VPS35L: variants seen among roughly 807,000 people sequenced by gnomAD.
VPS35L encodes VPS35 endosomal protein sorting factor like, also known as VPS35 endosomal protein-sorting factor-like.
A neutral mutation model predicts 133.0 loss-of-function variants in VPS35L; 83 were observed. That is an observed-to-expected ratio of 0.62 (90% CI 0.52 to 0.75). The LOEUF is 0.75. VPS35L is among the 30% of genes least tolerant of loss of function. The pLI, the probability that VPS35L is intolerant of heterozygous loss-of-function variation, is 0.00. For synonymous variants in VPS35L, 423 were observed against 449.9 expected (o/e 0.94, Z 0.76); for missense variants, 1,083 against 1,206.8 (o/e 0.90, Z 1.52).
At chr16:19,662,177 T>C (rs1567466119) in intron 26 of VPS35L, among the ~76,000 whole-genome samples, 1 of 152,020 alleles carries the variant, frequency 6.6e-6, no homozygotes, top group African/African-American at 2.4e-5. Flanking sequence ...CAATCCAGCC[T>C]GGGCAGCAGA....
intron 29 of VPS35L, among the ~76,000 whole-genome samples, chr16:19,693,019 G>A (rs896326518): frequency 6.6e-6 from 1 of 152,224 alleles, no homozygotes; most frequent in Non-Finnish European, 1.5e-5. Flanking sequence ...CAGAAATGCT[G>A]CAGCCCTGGG....
intron 27 of VPS35L, among the ~76,000 whole-genome samples, chr16:19,679,549 G>A (rs893959534): frequency 2.7e-5 from 4 of 149,294 alleles, no homozygotes; most frequent in South Asian, 2.1e-4. Flanking sequence ...ACTGTCACCC[G>A]GGCTGCAGTG....
At chr16:19,650,831 C>A (rs149471432) in intron 25 of VPS35L, among the ~76,000 whole-genome samples, 1 of 151,860 alleles carries the variant, frequency 6.6e-6, no homozygotes, top group East Asian at 1.9e-4. Flanking sequence ...TAATATTGTT[C>A]TTGTAACTGA....
chr16:19,649,045 A>G (rs1974044420), intron 24 of VPS35L, among the ~76,000 whole-genome samples: 2 of 150,900 alleles, frequency 1.3e-5, no homozygotes, highest in South Asian at 2.2e-4. Flanking sequence ...CTAGAGTGCA[A>G]TGGTGCGATT....
At position 19,564,988 on chromosome 16, in the gene VPS35L, A is replaced by T. The variant is rs750280149; in HGVS notation, c.117+38A>T. 4 of 1,433,934 alleles carry T rather than the reference A, an allele frequency of 2.8e-6. No homozygotes were observed. The African/African-American group carries it at 5.7e-5, about 20-fold the overall frequency. 88.8% of individuals were successfully genotyped at this position (1,433,934 alleles called of 1,614,324 possible). ...AAGGGTCTTTCTGAATGATATTCTT[A>T]TCCCTTGAAATGAAAGACAATCTTC... On this transcript the variant is annotated intron_variant, in intron 2 of 30. Transcript: ENST00000417362.
intron 4 of VPS35L, 63 bp from the exon 5 acceptor site, chr16:19,575,035 T>G (rs1971487555): frequency 5.0e-6 from 7 of 1,404,426 alleles, no homozygotes; most frequent in Non-Finnish European, 6.9e-6. Flanking sequence ...ATGGCTCTGT[T>G]GGAAAACAAT....
chr16:19,588,158 AGTATGTATGTAT>A (rs71146263), intron 7 of VPS35L, among the ~76,000 whole-genome samples: 5 of 147,462 alleles, frequency 3.4e-5, no homozygotes, highest in Non-Finnish European at 6.0e-5. Flanking sequence ...GGGTAATATA[AGTATGTATGTAT>A]GTATGTATGT....
rs150404587 is a variant in VPS35L at position 19,612,189 on chromosome 16, G to A, written c.1023+1774G>A. 4.1e-4 allele frequency among the ~76,000 whole-genome samples: 62 copies of A among 152,006 alleles called. 1 individual carries two copies. The East Asian group carries it at 0.011, about 28-fold the overall frequency. ...CTTGACCTCATGATCCGCCTGCCCC[G>A]GCCTCTCAAAGTGCTGGGTTTGCAG... On this transcript the variant is annotated intron_variant, in intron 12 of 30. Coordinates refer to ENST00000417362, the MANE Select transcript of VPS35L (RefSeq NM_020314.7).
chr16:19,586,359 G>C (rs528685413), intron 7 of VPS35L, among the ~76,000 whole-genome samples: 78 of 151,966 alleles, frequency 5.1e-4, no homozygotes, highest in African/African-American at 1.8e-3. Context: ...ATTTATTTGA[G>C]ACAGAGTTTC....
intron 4 of VPS35L, 106 bp downstream of exon 4, chr16:19,573,347 T>C: frequency 1.6e-6 from 2 of 1,279,008 alleles, no homozygotes; most frequent in East Asian, 2.4e-5. Flanking sequence ...CTTATTTATT[T>C]ATTTTTCTAC....
chr16:19,657,600 T>C (rs1302501320), intron 26 of VPS35L, among the ~76,000 whole-genome samples: 1 of 152,198 alleles, frequency 6.6e-6, no homozygotes, highest in Non-Finnish European at 1.5e-5. Flanking sequence ...GTCTGTCTGG[T>C]TTACTCAAAA....
At chr16:19,580,723 G>C (rs1271903314) in intron 6 of VPS35L, among the ~76,000 whole-genome samples, 1 of 152,078 alleles carries the variant, frequency 6.6e-6, no homozygotes, top group Non-Finnish European at 1.5e-5. Flanking sequence ...ACACTCTGCA[G>C]TACCTGTACT....
chr16:19,582,850 T>C (rs761698705), intron 7 of VPS35L, among the ~76,000 whole-genome samples: 20 of 152,152 alleles, frequency 1.3e-4, no homozygotes, highest in Admixed American at 7.2e-4. Context: ...AACAATACAT[T>C]AAGGACTGCC....
Position 19,630,987 on chromosome 16 carries a change from C to T in VPS35L, c.1554+1167C>T, listed in dbSNP as rs72767577. On this transcript the variant is annotated intron_variant, in intron 18 of 30. Coordinates refer to ENST00000417362, the MANE Select transcript of VPS35L (RefSeq NM_020314.7). Reference sequence around the variant, plus strand: ...TTGCACTCCTACACTCCAGCCAGAGCGACAGAGTGAGACTCTGTCTCAAAA... The same window carrying T: ...TTGCACTCCTACACTCCAGCCAGAGTGACAGAGTGAGACTCTGTCTCAAAA... Among the ~76,000 whole-genome samples the T allele has an allele frequency of 4.0e-5, 6 of 151,772 alleles. No individual in the cohort carries two copies. In the East Asian group the frequency reaches 9.7e-4, roughly 25 times the overall value.
intron 14 of VPS35L, among the ~76,000 whole-genome samples, chr16:19,622,931 G>A (rs1376235675): frequency 6.6e-6 from 1 of 152,110 alleles, no homozygotes; most frequent in Non-Finnish European, 1.5e-5. Flanking sequence ...ACAAGTGGAG[G>A]CTCTCGGGTG....
chr16:19,573,015 CT>C, intron 3 of VPS35L, 103 bp from the exon 4 acceptor site: 1 of 1,297,224 alleles, frequency 7.7e-7, no homozygotes, highest in East Asian at 2.6e-5. Flanking sequence ...AGACAAATCT[CT>C]TTTATTCCAC....
At chr16:19,698,716 T>C (rs1976005265) in intron 29 of VPS35L, among the ~76,000 whole-genome samples, 1 of 152,184 alleles carries the variant, frequency 6.6e-6, no homozygotes. Flanking sequence ...GCACTGATGT[T>C]GTGCAGATGT....
At chr16:19,648,958 T>A (rs1038629350) in intron 24 of VPS35L, among the ~76,000 whole-genome samples, 1 of 151,380 alleles carries the variant, frequency 6.6e-6, no homozygotes, top group Admixed American at 6.6e-5. Context: ...GAAGAAAGTA[T>A]ATATATAAAT....
At chr16:19,606,583 G>C (rs1220917962) in intron 9 of VPS35L, among the ~76,000 whole-genome samples, 1 of 152,168 alleles carries the variant, frequency 6.6e-6, no homozygotes, top group East Asian at 1.9e-4. Flanking sequence ...TTCTCTGCTA[G>C]AGAAGTACCT....
Sources: gnomAD v4.1 joint callset for allele counts (sites outside exome capture counted in the v4.1 genomes callset) on GRCh38, gnomAD v4.1.1 for gene constraint, MANE v1.5 for transcripts, NCBI Gene and HGNC (gene_info 2026-07-23, HGNC 2026-07-21) for gene names.